The following SLC41A2 variants were observed in gnomAD, a reference collection of about 807,000 sequenced individuals.
SLC41A2 encodes the protein solute carrier family 41 member 2.
In SLC41A2, 32 loss-of-function variants were observed where a neutral mutation model predicts 58.3. The observed-to-expected ratio is 0.55, with a 90% CI of 0.41 to 0.74. The LOEUF is 0.74. SLC41A2 is among the 30% of genes least tolerant of loss of function. SLC41A2 has a pLI of 0.00. For synonymous variants in SLC41A2, 190 were observed against 235.0 expected (o/e 0.81, Z 1.75); for missense variants, 514 against 680.6 (o/e 0.76, Z 2.72).
intron 3 of SLC41A2, among the ~76,000 whole-genome samples, chr12:104,897,563 GTC>G (rs1248744005): frequency 6.6e-6 from 1 of 151,856 alleles, no homozygotes; most frequent in Admixed American, 6.6e-5. Context: ...TAATCTAGAA[GTC>G]TCTGAATCTT....
In SLC41A2 at chr12:104,845,974, C is replaced by T. The variant is rs1456312135; in HGVS notation, c.1256G>A (p.Gly419Asp). 1.2e-6 allele frequency: 2 copies of T among 1,611,516 alleles called. No homozygotes were observed. Among genetic ancestry groups the T allele is most frequent in the African/African-American group, 1.3e-5 (1 of 74,938 alleles). ...GIVVYTPVIN[G>D]IGGNLVAIQA... is the part of the protein sequence containing the mutation. ...AATGGCCACCAAATTACCACCAATA[C>T]CTGAAACACAAGGAAAAACAAAGTA... The change falls in exon 9 of 11, where the codon GGT becomes GAT. Residue 419 changes from glycine to aspartate, a missense_variant and splice_region_variant. This residue lies in a region of SLC41A2 where 50 missense variants were observed against 104.5 expected (regional missense o/e 0.48). Transcript: ENST00000258538.
chr12:104,957,980 C>G (rs2048234604), intron 1 of SLC41A2, 108 bp downstream of exon 1: 1 of 151,964 alleles, frequency 6.6e-6, no homozygotes, highest in Non-Finnish European at 1.5e-5. Context: ...CCCCGCGCCC[C>G]CGCCGCCGGG....
At chr12:104,930,584 AC>A (rs1396567711) in intron 1 of SLC41A2, among the ~76,000 whole-genome samples, 7 of 152,222 alleles carry the variant, frequency 4.6e-5, no homozygotes, top group Non-Finnish European at 1.0e-4. Context: ...CCATAGGAGG[AC>A]CAGTGATAGG....
intron 10 of SLC41A2, among the ~76,000 whole-genome samples, chr12:104,816,944 C>T (rs1417155471): frequency 6.6e-6 from 1 of 152,154 alleles, no homozygotes; most frequent in Admixed American, 6.5e-5. Context: ...CATATCTTCC[C>T]ATATACAATT....
intron 1 of SLC41A2, among the ~76,000 whole-genome samples, chr12:104,957,617 C>T (rs1307579193): frequency 1.3e-5 from 2 of 152,256 alleles, no homozygotes; most frequent in East Asian, 3.8e-4. Flanking sequence ...TCATCTCTCT[C>T]TGTAAATGAG....
intron 8 of SLC41A2, among the ~76,000 whole-genome samples, chr12:104,852,383 A>G (rs1423611831): frequency 6.6e-6 from 1 of 152,180 alleles, no homozygotes; most frequent in East Asian, 1.9e-4. Context: ...ATCTGCTATT[A>G]AGCCAACGTA....
chr12:104,906,964 G>A (rs2045879305), intron 3 of SLC41A2, among the ~76,000 whole-genome samples: 1 of 152,014 alleles, frequency 6.6e-6, no homozygotes, highest in South Asian at 2.1e-4. Flanking sequence ...TAGCCCTCAG[G>A]AATCATCCAT....
At chr12:104,816,812 G>C (rs768915607) in intron 10 of SLC41A2, among the ~76,000 whole-genome samples, 11 of 152,220 alleles carry the variant, frequency 7.2e-5, no homozygotes, top group Non-Finnish European at 1.3e-4. Flanking sequence ...ATTGAGGACA[G>C]TTGTCCCTCG....
intron 1 of SLC41A2, among the ~76,000 whole-genome samples, chr12:104,954,562 T>G (rs1339796232): frequency 6.6e-6 from 1 of 152,210 alleles, no homozygotes; most frequent in Non-Finnish European, 1.5e-5. Flanking sequence ...ATTGGGTAAG[T>G]TGGTAACAAT....
At chr12:104,927,704 G>A (rs1333653097) in intron 2 of SLC41A2, among the ~76,000 whole-genome samples, 1 of 151,922 alleles carries the variant, frequency 6.6e-6, no homozygotes, top group African/African-American at 2.4e-5. Flanking sequence ...ATTTTGGGAA[G>A]ATTTTCTTTT....
rs2040744406 is a variant in SLC41A2 at position 104,802,748 on chromosome 12, G to T, written c.*2404C>A. 6.6e-6 allele frequency: 1 copy of T among 152,080 alleles called. No homozygotes were observed. Among genetic ancestry groups the T allele is most frequent in the African/African-American group, 2.4e-5 (1 of 41,410 alleles). 9.4% of individuals were successfully genotyped at this position (152,080 alleles called of 1,614,324 possible). Reference sequence around the variant, plus strand: ...ACTCACCATCAGGATATAATAAACGGAGGTTTCTTTGTCTGAAATCCATAA... The same window carrying T: ...ACTCACCATCAGGATATAATAAACGTAGGTTTCTTTGTCTGAAATCCATAA... On this transcript the variant is annotated 3_prime_UTR_variant, in exon 11 of 11. Coordinates refer to ENST00000258538, the MANE Select transcript of SLC41A2 (RefSeq NM_001352171.3).
At chr12:104,956,225 A>G (rs1190760283) in intron 1 of SLC41A2, among the ~76,000 whole-genome samples, 1 of 152,234 alleles carries the variant, frequency 6.6e-6, no homozygotes, top group African/African-American at 2.4e-5. Flanking sequence ...CAGGTAGGGT[A>G]TTCTTAAAGA....
At chr12:104,958,684 T>A (rs1473217893), upstream of SLC41A2, 2 of 152,372 alleles carry the variant, frequency 1.3e-5, no homozygotes. Flanking sequence ...GCTGAGGTCA[T>A]GTTTCTTGCA....
At position 104,861,312 on chromosome 12, in the gene SLC41A2, C is replaced by A. The variant is rs1168035796; in HGVS notation, c.1234G>T (p.Val412Phe). The change falls in exon 8 of 11, where the codon GTT becomes TTT. Residue 412 changes from valine to phenylalanine, a missense_variant. Physicochemically the swap from Val to Phe is conservative, Grantham distance 50. Transcript: ENST00000258538. ...TTACCATTAATAACTGGCGTGTAAACAACAATCCCAACCAAGTTTGGGTCT... is the reference window on the plus strand; with the variant it reads ...TTACCATTAATAACTGGCGTGTAAAAAACAATCCCAACCAAGTTTGGGTCT... Reference protein sequence around the residue: ...VSDPNLVGIVVYTPVINGIGG... With the variant: ...VSDPNLVGIVFYTPVINGIGG... 1 of 1,612,990 alleles carries A rather than the reference C, an allele frequency of 6.2e-7. No homozygotes were observed. The highest frequency in any genetic ancestry group is 1.7e-5 in the Admixed American group (1 of 59,924).
intron 1 of SLC41A2, among the ~76,000 whole-genome samples, chr12:104,940,438 G>A (rs2047462481): frequency 6.6e-6 from 1 of 151,158 alleles, no homozygotes. Flanking sequence ...CATGGCACAT[G>A]TATACATATG....
At chr12:104,828,161 C>T (rs115865536) in intron 10 of SLC41A2, among the ~76,000 whole-genome samples, 4 of 152,220 alleles carry the variant, frequency 2.6e-5, no homozygotes, top group East Asian at 3.9e-4. Context: ...GGCGGCTGAA[C>T]GTCAGGAGGA....
intron 7 of SLC41A2, among the ~76,000 whole-genome samples, chr12:104,863,841 T>C (rs1439659664): frequency 1.3e-5 from 2 of 152,210 alleles, no homozygotes; most frequent in Non-Finnish European, 2.9e-5. Context: ...ACGTACGCTT[T>C]TTGCTTTGCC....
intron 10 of SLC41A2, among the ~76,000 whole-genome samples, chr12:104,833,193 A>G (rs1184556817): frequency 6.6e-6 from 1 of 152,206 alleles, no homozygotes; most frequent in African/African-American, 2.4e-5. Context: ...AGTAGCCACC[A>G]CAACTGGTTT....
rs10630032 is a variant in SLC41A2, at chr12:104,804,346, T to TCACACACA, written c.*798_*805dup. On this transcript the variant is annotated 3_prime_UTR_variant, in exon 11 of 11. Transcript: ENST00000258538. ...GTTCTTCATCAAAAGTCTCTCTCTCTCACACACACACACACACACATTCTC... is the reference window on the plus strand; with the variant it reads ...GTTCTTCATCAAAAGTCTCTCTCTCTCACACACACACACACACACACACACACATTCTC... The TCACACACA allele has an allele frequency of 1.5e-4, 23 of 149,602 alleles. No individual in the cohort carries two copies. The highest frequency in any genetic ancestry group is 4.9e-4 in the African/African-American group (20 of 40,698). 9.3% of individuals were successfully genotyped at this position (149,602 alleles called of 1,614,324 possible). A position where few individuals can be genotyped will look rare whatever the true frequency, so the allele number is the denominator to read the frequency against.
Sources: gnomAD v4.1 joint callset for allele counts (sites outside exome capture counted in the v4.1 genomes callset) on GRCh38, gnomAD v4.1.1 for gene constraint, gnomAD v4.1.1 regional missense constraint, MANE v1.5 for transcripts, NCBI Gene and HGNC (gene_info 2026-07-23, HGNC 2026-07-21) for gene names.